NUP210L: variants seen among roughly 807,000 people sequenced by gnomAD.
NUP210L encodes the protein nuclear pore membrane glycoprotein 210-like.
A neutral mutation model predicts 208.5 loss-of-function variants in NUP210L; 74 were observed. The observed-to-expected ratio is 0.35, with a 90% confidence interval of 0.29 to 0.43. The LOEUF (loss-of-function observed/expected upper bound fraction) is 0.43, where lower values mean the gene tolerates loss of function less well. NUP210L is among the 20% of genes least tolerant of loss of function. The pLI is 1.00. For synonymous variants in NUP210L, 780 were observed against 816.9 expected (o/e 0.95, Z 0.77); for missense variants, 1,843 against 2,289.4 (o/e 0.81, Z 3.98).
rs1653390862 is a variant in NUP210L at position 154,049,877 on chromosome 1, T to C, written c.3484-3508A>G. Reference sequence around the variant, plus strand: ...TTTACAATTCCTGCAGTAAACAACCTGAAGCCTGCTAAGCGTTTTCATCGG... The same window carrying C: ...TTTACAATTCCTGCAGTAAACAACCCGAAGCCTGCTAAGCGTTTTCATCGG... On this transcript the variant is annotated intron_variant, in intron 25 of 39. Transcript: ENST00000368559. Among the ~76,000 whole-genome samples, 3 of 152,222 alleles carry C rather than the reference T, an allele frequency of 2.0e-5. No homozygotes were observed. In the South Asian group the frequency reaches 6.2e-4, roughly 32 times the overall value.
chr1:154,039,673 G>A (rs1652756623), intron 27 of NUP210L, among the ~76,000 whole-genome samples: 1 of 152,104 alleles, frequency 6.6e-6, no homozygotes, highest in Non-Finnish European at 1.5e-5. Flanking sequence ...GAAGTCATCT[G>A]CCAGACATAT....
At chr1:154,133,597 T>C (rs190050654) in intron 7 of NUP210L, among the ~76,000 whole-genome samples, 37 of 151,650 alleles carry the variant, frequency 2.4e-4, no homozygotes, top group African/African-American at 8.7e-4. Flanking sequence ...CCTAGCACTT[T>C]GGGAGGCCAA....
chr1:154,064,445 T>C (rs1654293888), intron 17 of NUP210L, among the ~76,000 whole-genome samples: 3 of 152,162 alleles, frequency 2.0e-5, no homozygotes, highest in African/African-American at 7.2e-5. Flanking sequence ...ACTCGCCTTC[T>C]TAAGCTCATT....
intron 2 of NUP210L, among the ~76,000 whole-genome samples, chr1:154,145,577 C>A (rs1360389406): frequency 2.0e-5 from 3 of 151,996 alleles, no homozygotes; most frequent in Non-Finnish European, 4.4e-5. Context: ...TTGAATTACT[C>A]ATCCTGAAAT....
intron 25 of NUP210L, among the ~76,000 whole-genome samples, chr1:154,048,286 C>T (rs750886666): frequency 5.3e-5 from 8 of 152,126 alleles, no homozygotes; most frequent in Admixed American, 2.0e-4. Flanking sequence ...CTCAAGCAAC[C>T]GCTCTCAGTT....
chr1:154,055,133 T>TTTCTTTTTC (rs760970628), intron 23 of NUP210L, among the ~76,000 whole-genome samples: 1 of 68,628 alleles, frequency 1.5e-5, no homozygotes. Context: ...TTTTCTTTCT[T>TTTCTTTTTC]TCTTTCTTTC....
At position 154,020,614 on chromosome 1, in the gene NUP210L, C is replaced by A. The variant is rs532075884; in HGVS notation, c.4516+1512G>T. Among the ~76,000 whole-genome samples, 54 of 151,930 alleles carry A rather than the reference C, an allele frequency of 3.6e-4. 1 individual carries two copies. In the South Asian group the frequency reaches 7.9e-3, roughly 22 times the overall value. The stretch of plus-strand genomic sequence containing the variant: ...TGATCTTGGCTCACTGCAACCTGTG[C>A]CTCCTGGGTTCAAGCAATTCTCCTG... On this transcript the variant is annotated intron_variant, in intron 32 of 39. Coordinates refer to ENST00000368559, the Ensembl canonical transcript of NUP210L.
In NUP210L at chr1:154,155,093, CT is replaced by C. The variant is rs1252597662; in HGVS notation, c.-50del. On this transcript the variant is annotated 5_prime_UTR_variant, in exon 1 of 40. Transcript: ENST00000368559. ...CCGCTCAACTACAGCCGGCTCACAG[CT>C]CCATCAGCCAATCCACAGGCGTGAC... 7.4e-7 allele frequency: 1 copy of C among 1,354,026 alleles called. No homozygotes were observed. The highest frequency in any genetic ancestry group is 1.2e-5 in the South Asian group (1 of 80,816). 83.9% of individuals were successfully genotyped at this position (1,354,026 alleles called of 1,614,324 possible). A position where few individuals can be genotyped will look rare whatever the true frequency, so the allele number is the denominator to read the frequency against.
At chr1:154,086,923 C>A (rs542807285) in intron 16 of NUP210L, among the ~76,000 whole-genome samples, 23 of 152,128 alleles carry the variant, frequency 1.5e-4, no homozygotes, top group Middle Eastern at 3.4e-3. Context: ...AGAACTCTTG[C>A]AACTCAATAA....
intron 38 of NUP210L, among the ~76,000 whole-genome samples, chr1:153,994,232 T>C (rs1453106152): frequency 6.6e-6 from 1 of 152,162 alleles, no homozygotes; most frequent in Non-Finnish European, 1.5e-5. Flanking sequence ...AAGTAGCTGT[T>C]ATACCTCAAG....
chr1:154,081,232 A>G (rs1655308597), intron 16 of NUP210L, among the ~76,000 whole-genome samples: 1 of 145,828 alleles, frequency 6.9e-6, no homozygotes, highest in East Asian at 2.0e-4. Flanking sequence ...ATAAGGATGG[A>G]AAAAAAAAAA....
chr1:154,045,368 A>T (rs1328042497), intron 27 of NUP210L, among the ~76,000 whole-genome samples: 1 of 152,214 alleles, frequency 6.6e-6, no homozygotes, highest in Non-Finnish European at 1.5e-5. Context: ...TCTGAACATG[A>T]TAAAAAATAA....
rs758419529 is a variant in NUP210L, at chr1:154,027,462, T to G, written c.3947+44A>C. On this transcript the variant is annotated intron_variant, in intron 29 of 39. Transcript: ENST00000368559. ...TATGTCAATGTTTTACTGAAAATAC[T>G]TAAGCTTAGATCCTGGCACTTCCTT... The G allele has an allele frequency of 2.2e-6, 3 of 1,337,908 alleles. No individual in the cohort carries two copies. The South Asian group carries it at 3.7e-5, about 17-fold the overall frequency. 82.9% of individuals were successfully genotyped at this position (1,337,908 alleles called of 1,614,324 possible).
chr1:154,105,486 TA>T (rs11336927), intron 12 of NUP210L, among the ~76,000 whole-genome samples: 143,846 of 147,648 alleles, frequency 0.97, 70,135 homozygotes, highest in East Asian at 1. Context: ...AAAAATCCGT[TA>T]AAAAAAAAAA....
exon 5 of NUP210L, chr1:154,139,882 G>C: frequency 1.2e-6 from 2 of 1,612,552 alleles, no homozygotes; most frequent in Non-Finnish European, 1.7e-6. Context: ...ACATCTCCTT[G>C]TTTCTCCTCT....
intron 27 of NUP210L, among the ~76,000 whole-genome samples, chr1:154,042,087 T>A (rs1652913654): frequency 6.6e-6 from 1 of 151,864 alleles, no homozygotes; most frequent in Non-Finnish European, 1.5e-5. Context: ...AGAAGGCCTT[T>A]CCCTCTCTCT....
chr1:154,055,163 CT>C (rs1158305216), intron 23 of NUP210L, among the ~76,000 whole-genome samples: 13 of 116,886 alleles, frequency 1.1e-4, no homozygotes, highest in African/African-American at 4.2e-4. Context: ...TTCTTTCTTT[CT>C]TTCTTTCTTT....
At chr1:154,143,600 G>A (rs368081309) in intron 2 of NUP210L, 23 bp from the exon 3 acceptor site, 177 of 1,598,694 alleles carry the variant, frequency 1.1e-4, no homozygotes, top group Middle Eastern at 1.7e-4. Context: ...CAAAAACTGA[G>A]TATTTAATTC....
chr1:154,096,148 T>C (rs181413961), intron 14 of NUP210L, among the ~76,000 whole-genome samples: 24 of 152,276 alleles, frequency 1.6e-4, no homozygotes, highest in African/African-American at 4.8e-4. Context: ...CCTGTGTCCA[T>C]GTGTTCTCAT....
Sources: gnomAD v4.1 joint callset for allele counts (sites outside exome capture counted in the v4.1 genomes callset) on GRCh38, gnomAD v4.1.1 for gene constraint, MANE v1.5 for transcripts, NCBI Gene and HGNC (gene_info 2026-07-23, HGNC 2026-07-21) for gene names.